DPH6: variants seen among roughly 807,000 people sequenced by gnomAD.
DPH6 encodes diphthamine biosynthesis 6.
DPH6 carries 33 observed loss-of-function variants against 38.2 expected under a neutral mutation model. The ratio of observed to expected loss-of-function variants is 0.86; its 90% CI spans 0.65 to 1.15. DPH6 has a LOEUF of 1.15. DPH6 is among the 50% of genes most tolerant of loss of function. DPH6 has a pLI of 0.00. For missense variants in DPH6, 325 were observed against 320.0 expected (o/e 1.02, Z -0.12); for synonymous variants, 108 against 103.0 (o/e 1.05, Z -0.30).
intron 3 of DPH6, among the ~76,000 whole-genome samples, chr15:35,344,387 A>G (rs1001521272): frequency 6.6e-6 from 1 of 151,958 alleles, no homozygotes; most frequent in African/African-American, 2.4e-5. Context: ...AATTCAAAAT[A>G]TACATAAGTA....
exon 4 of DPH6, chr15:35,217,946 T>C (rs1335101013): frequency 6.6e-6 from 1 of 152,254 alleles, no homozygotes; most frequent in Non-Finnish European, 1.5e-5. Context: ...CGATGACTTA[T>C]AATACTTAAT....
intron 3 of DPH6, among the ~76,000 whole-genome samples, chr15:35,464,715 C>A (rs2054107458): frequency 6.6e-6 from 1 of 152,136 alleles, no homozygotes; most frequent in South Asian, 2.1e-4. Flanking sequence ...ATGTCATAGT[C>A]CTATTCTAAT....
At chr15:35,194,948 T>C in the DPH6 span, among the ~76,000 whole-genome samples, 4 of 152,228 alleles carry the variant, frequency 2.6e-5, no homozygotes, top group African/African-American at 9.6e-5. Context: ...TTTTAGCTAT[T>C]TTGAATTGTA....
chr15:35,456,475 T>TATA (rs1179401890), intron 3 of DPH6, among the ~76,000 whole-genome samples: 8 of 66,748 alleles, frequency 1.2e-4, no homozygotes, highest in East Asian at 6.0e-4. Context: ...ATATATATAT[T>TATA]TATTTATTTA....
At chr15:35,154,333 TA>T in the DPH6 span, among the ~76,000 whole-genome samples, 1 of 152,064 alleles carries the variant, frequency 6.6e-6, no homozygotes, top group African/African-American at 2.4e-5. Context: ...ATAAAATAAA[TA>T]AATAAATATT....
the DPH6 span, among the ~76,000 whole-genome samples, chr15:35,200,426 G>C: frequency 1.3e-5 from 2 of 152,168 alleles, no homozygotes; most frequent in South Asian, 4.1e-4. Flanking sequence ...TCCTTTGTTG[G>C]ACTGTATCCT....
At chr15:35,200,770 G>C in the DPH6 span, among the ~76,000 whole-genome samples, 1 of 151,794 alleles carries the variant, frequency 6.6e-6, no homozygotes, top group Non-Finnish European at 1.5e-5. Flanking sequence ...TGACAAAATT[G>C]TATCATCTTG....
downstream of DPH6, among the ~76,000 whole-genome samples, chr15:35,327,581 G>T (rs113545594): frequency 6.6e-6 from 1 of 151,966 alleles, no homozygotes; most frequent in Non-Finnish European, 1.5e-5. Context: ...TGCTGACCTC[G>T]TGATCTGCCC....
chr15:35,262,503 A>G (rs1423575457), intron 3 of DPH6, among the ~76,000 whole-genome samples: 9 of 152,026 alleles, frequency 5.9e-5, no homozygotes, highest in Non-Finnish European at 5.9e-5. Flanking sequence ...TCAGGAGATG[A>G]AGACCATCCT....
At chr15:35,370,133 T>C (rs544205645), downstream of DPH6, among the ~76,000 whole-genome samples, 1 of 151,748 alleles carries the variant, frequency 6.6e-6, no homozygotes, top group Non-Finnish European at 1.5e-5. Flanking sequence ...CTGGAACAAC[T>C]GAATAACTAC....
At position 35,391,162 on chromosome 15, in the gene DPH6, T is replaced by C. The variant is rs139164582; in HGVS notation, c.568-9246A>G. On this transcript the variant is annotated intron_variant, in intron 6 of 8. Coordinates refer to ENST00000256538, the MANE Select transcript of DPH6 (RefSeq NM_080650.4). ...GCGGAGGCTGCAGAACAGTGGATAT[T>C]GGAGAGCCACAAATGCTGCTGCCTG... Among the ~76,000 whole-genome samples, 2,814 of 152,274 alleles carry C rather than the reference T, an allele frequency of 0.018. 302 individuals are homozygous for C. In the East Asian group the frequency reaches 0.32, roughly 17 times the overall value.
the DPH6 span, among the ~76,000 whole-genome samples, chr15:35,180,392 A>AACACACACAC: frequency 2.1e-5 from 3 of 140,596 alleles, no homozygotes; most frequent in African/African-American, 8.0e-5. Context: ...TTGGTTTTAA[A>AACACACACAC]ACACACACAC....
Position 35,452,534 on chromosome 15 carries a change from T to C in DPH6, c.387-1731A>G, listed in dbSNP as rs543100743. On this transcript the variant is annotated intron_variant, in intron 4 of 8. Transcript: ENST00000256538. ...CTCAGAGATCCCAATACTTATTAAA[T>C]GTACCATGTTTGGTCATTTATTCAT... Among the ~76,000 whole-genome samples the C allele has an allele frequency of 5.8e-4, 88 of 152,262 alleles. No homozygotes were observed. The South Asian group carries it at 0.017, about 30-fold the overall frequency.
At chr15:35,146,553 C>T in the DPH6 span, among the ~76,000 whole-genome samples, 1 of 152,230 alleles carries the variant, frequency 6.6e-6, no homozygotes, top group African/African-American at 2.4e-5. Flanking sequence ...TCAACATGAT[C>T]TCATATAGTT....
At chr15:35,509,380 C>T (rs1048535170) in intron 3 of DPH6, among the ~76,000 whole-genome samples, 4 of 152,150 alleles carry the variant, frequency 2.6e-5, no homozygotes, top group Admixed American at 6.5e-5. Context: ...CTGCTCTTTG[C>T]GACCTGAAAG....
At chr15:35,295,469 CT>C (rs2052008499) in intron 3 of DPH6, among the ~76,000 whole-genome samples, 1 of 152,182 alleles carries the variant, frequency 6.6e-6, no homozygotes, top group East Asian at 1.9e-4. Flanking sequence ...TTCTCTAGCT[CT>C]TTAAAATCTC....
At chr15:35,472,003 C>T (rs893635973) in intron 3 of DPH6, among the ~76,000 whole-genome samples, 5 of 152,216 alleles carry the variant, frequency 3.3e-5, no homozygotes, top group South Asian at 2.1e-4. Context: ...GTGAAAATAA[C>T]GTTGTGCTTT....
chr15:35,452,497 CTCTCTCTCTCTCTCAG>C (rs1463409900), intron 4 of DPH6, among the ~76,000 whole-genome samples: 1 of 152,100 alleles, frequency 6.6e-6, no homozygotes, highest in African/African-American at 2.4e-5. Flanking sequence ...CTCTCTCTCT[CTCTCTCTCTCTCTCAG>C]AGATCCCAAT....
the DPH6 span, among the ~76,000 whole-genome samples, chr15:35,173,785 G>A: frequency 6.6e-6 from 1 of 152,046 alleles, no homozygotes; most frequent in African/African-American, 2.4e-5. Flanking sequence ...CATTGATACC[G>A]AAGGTCCTGC....
Sources: gnomAD v4.1 joint callset for allele counts (sites outside exome capture counted in the v4.1 genomes callset) on GRCh38, gnomAD v4.1.1 for gene constraint, MANE v1.5 for transcripts, NCBI Gene and HGNC (gene_info 2026-07-23, HGNC 2026-07-21) for gene names.